Variants in RCL1 observed in about 807,000 individuals in gnomAD.
RCL1 encodes RNA terminal phosphate cyclase like 1, also known as RNA 3'-terminal phosphate cyclase-like protein.
A neutral mutation model predicts 42.4 loss-of-function variants in RCL1; 24 were observed. The observed-to-expected ratio is 0.57, with a 90% confidence interval of 0.41 to 0.80. RCL1 has a LOEUF of 0.80. RCL1 is among the 30% of genes least tolerant of loss of function. The probability of loss-of-function intolerance (pLI) is 0.00; values close to 1 mark genes in which losing one functional copy is unlikely to be tolerated. For missense variants in RCL1, 578 were observed against 467.9 expected (o/e 1.24, Z -2.17); for synonymous variants, 228 against 177.3 (o/e 1.29, Z -2.27).
chr9:4,833,057 A>G, intron 3 of RCL1, 97 bp from the exon 4 acceptor site: 2 of 795,860 alleles, frequency 2.5e-6, no homozygotes, highest in African/African-American at 1.7e-5. Flanking sequence ...ACCACACTGC[A>G]TCATCTACCT....
At position 4,827,053 on chromosome 9, in the gene RCL1, C is replaced by T. The variant is rs200668905; in HGVS notation, c.384+20C>T. 5.2e-4 allele frequency: 836 copies of T among 1,614,034 alleles called. 2 individuals carry two copies. The highest frequency in any genetic ancestry group is 6.5e-4 in the Non-Finnish European group (763 of 1,179,968). On this transcript the variant is annotated intron_variant, in intron 3 of 8. Coordinates refer to ENST00000381750, the MANE Select transcript of RCL1 (RefSeq NM_005772.5). ...CCTTCAGTGAGTATTGAGAACAAACCGTGGTGTGGTTTTTGTTTTGTCTCT... is the reference window on the plus strand; with the variant it reads ...CCTTCAGTGAGTATTGAGAACAAACTGTGGTGTGGTTTTTGTTTTGTCTCT...
Position 4,834,132 on chromosome 9 carries a change from T to A in RCL1, c.460-9T>A. On this transcript the variant is annotated splice_polypyrimidine_tract_variant and intron_variant, in intron 4 of 8. Coordinates refer to ENST00000381750, the MANE Select transcript of RCL1 (RefSeq NM_005772.5). ...CATCCTCGCCTCATCTTTCTCACTC[T>A]CTGTGTAGATTGTGCGACGGGGAAT... 1 of 1,611,736 alleles carries A rather than the reference T, an allele frequency of 6.2e-7. No individual in the cohort carries two copies.
chr9:4,845,383 G>C (rs1010370905), intron 7 of RCL1, among the ~76,000 whole-genome samples: 11 of 152,190 alleles, frequency 7.2e-5, no homozygotes, highest in Non-Finnish European at 1.5e-5. Flanking sequence ...ACACAGCTGA[G>C]ACCAATTTGC....
intron 7 of RCL1, among the ~76,000 whole-genome samples, chr9:4,849,238 C>T (rs530550977): frequency 6.6e-6 from 1 of 150,720 alleles, no homozygotes; most frequent in Non-Finnish European, 1.5e-5. Context: ...ATAGTCTCAA[C>T]TATTACAGTT....
chr9:4,817,889 C>T (rs1345364121), intron 1 of RCL1, among the ~76,000 whole-genome samples: 1 of 131,462 alleles, frequency 7.6e-6, no homozygotes, highest in African/African-American at 2.8e-5. Flanking sequence ...ACTCTCAGTT[C>T]ATTTTGCTCT....
chr9:4,806,046 TTGTG>T (rs1057311928), intron 1 of RCL1, among the ~76,000 whole-genome samples: 1 of 71,270 alleles, frequency 1.4e-5, no homozygotes, highest in African/African-American at 4.4e-5. Flanking sequence ...GTGTGTGTGT[TTGTG>T]TGTGTGTGTG....
intron 1 of RCL1, among the ~76,000 whole-genome samples, chr9:4,807,240 A>G (rs1265330854): frequency 1.3e-5 from 2 of 151,964 alleles, no homozygotes; most frequent in Non-Finnish European, 2.9e-5. Flanking sequence ...TGATTTTTCT[A>G]TCTTGCTTTT....
chr9:4,813,292 C>T (rs1816245698), intron 1 of RCL1, among the ~76,000 whole-genome samples: 1 of 152,132 alleles, frequency 6.6e-6, no homozygotes, highest in African/African-American at 2.4e-5. Flanking sequence ...ACCCATCTGA[C>T]AAAGGGCTAA....
intron 1 of RCL1, among the ~76,000 whole-genome samples, chr9:4,794,640 C>T (rs200424634): frequency 6.8e-6 from 1 of 147,618 alleles, no homozygotes; most frequent in African/African-American, 2.5e-5. Context: ...GTAGGCATAA[C>T]TTTTTTTTTT....
In RCL1 at chr9:4,860,284, A is replaced by C; in HGVS notation, c.*9A>C. 6.2e-7 allele frequency: 1 copy of C among 1,612,030 alleles called. No individual in the cohort carries two copies. Among genetic ancestry groups the C allele is most frequent in the Non-Finnish European group, 8.5e-7 (1 of 1,179,302 alleles). ...GCAAGACCCTCAAGTGATAACCATC[A>C]CAAGATAAGGCCCCAATGCCTACAG... On this transcript the variant is annotated 3_prime_UTR_variant, in exon 9 of 9. Coordinates refer to ENST00000381750, the MANE Select transcript of RCL1 (RefSeq NM_005772.5).
chr9:4,859,875 C>T lies in RCL1; in HGVS notation c.972-250C>T, dbSNP rs1257995583. ...AACTAAATAACTTATGTGTCACGTA[C>T]GAACTTCTAACCTTTCCCCCCCCAG... is the stretch of plus-strand genomic sequence containing the variant. On this transcript the variant is annotated intron_variant, in intron 8 of 8. Coordinates refer to ENST00000381750, the MANE Select transcript of RCL1 (RefSeq NM_005772.5). Among the ~76,000 whole-genome samples, 7 of 152,258 alleles carry T rather than the reference C, an allele frequency of 4.6e-5. 1 individual carries two copies. Among genetic ancestry groups the T allele is most frequent in the South Asian group, 2.1e-4 (1 of 4,826 alleles).
At chr9:4,827,375 A>AG (rs1816798140) in intron 3 of RCL1, 1 of 896,666 alleles carries the variant, frequency 1.1e-6, no homozygotes, top group African/African-American at 1.7e-5. Flanking sequence ...GTGGTAGCTG[A>AG]GGCTGGAGGG....
chr9:4,833,289 T>C lies in RCL1; in HGVS notation c.459+61T>C, dbSNP rs1413110281. The C allele has an allele frequency of 6.5e-6, 8 of 1,236,964 alleles. No homozygotes were observed. In the East Asian group the frequency reaches 9.3e-5, roughly 14 times the overall value. The allele number at this position is 1,236,964 out of a possible 1,614,324, so 76.6% of individuals were successfully genotyped here. Reference sequence around the variant, plus strand: ...TGGAAAACATTTTCCCACTGACTCATTGGAAGAGCTGTGTGACTCAGTGTA... The same window carrying C: ...TGGAAAACATTTTCCCACTGACTCACTGGAAGAGCTGTGTGACTCAGTGTA... On this transcript the variant is annotated intron_variant, in intron 4 of 8. Transcript: ENST00000381750.
chr9:4,815,749 C>G (rs942758656), intron 1 of RCL1, among the ~76,000 whole-genome samples: 3 of 152,064 alleles, frequency 2.0e-5, no homozygotes, highest in Non-Finnish European at 2.9e-5. Context: ...GGTGTTGACT[C>G]CTTCTCTGTG....
intron 1 of RCL1, among the ~76,000 whole-genome samples, chr9:4,798,547 A>G (rs773084277): frequency 1.8e-4 from 28 of 152,252 alleles, no homozygotes; most frequent in Non-Finnish European, 3.7e-4. Context: ...TTTAATCAAA[A>G]GGGTCCTTTA....
chr9:4,844,760 G>T (rs780365295), intron 7 of RCL1, 79 bp downstream of exon 7: 5 of 1,463,118 alleles, frequency 3.4e-6, no homozygotes, highest in Non-Finnish European at 3.7e-6. Flanking sequence ...GGCAGCTTTC[G>T]TCCTCTTCCA....
At chr9:4,849,195 T>C (rs548974320) in intron 7 of RCL1, among the ~76,000 whole-genome samples, 1 of 151,844 alleles carries the variant, frequency 6.6e-6, no homozygotes, top group East Asian at 1.9e-4. Context: ...CTAGATTCAC[T>C]TAAGAAGATT....
At chr9:4,830,061 A>T (rs965335217) in intron 3 of RCL1, among the ~76,000 whole-genome samples, 1 of 152,184 alleles carries the variant, frequency 6.6e-6, no homozygotes, top group African/African-American at 2.4e-5. Flanking sequence ...GACTGTGGAG[A>T]TAGAAGTATT....
rs12344938 is a variant in RCL1 at position 4,827,217 on chromosome 9, A to G, written c.384+184A>G. 8,447 of 1,525,976 alleles carry G rather than the reference A, an allele frequency of 5.5e-3. 332 individuals are homozygous for G. The African/African-American group carries it at 0.088, about 16-fold the overall frequency. 94.5% of individuals were successfully genotyped at this position (1,525,976 alleles called of 1,614,324 possible). A position where few individuals can be genotyped will look rare whatever the true frequency, so the allele number is the denominator to read the frequency against. ...AGATGAACCAAAACTTAGGATCATC[A>G]AATTCAGGACTATTGTTAACAGTTA... On this transcript the variant is annotated intron_variant, in intron 3 of 8. Transcript: ENST00000381750.
Sources: gnomAD v4.1 joint callset for allele counts (sites outside exome capture counted in the v4.1 genomes callset) on GRCh38, gnomAD v4.1.1 for gene constraint, MANE v1.5 for transcripts, NCBI Gene and HGNC (gene_info 2026-07-23, HGNC 2026-07-21) for gene names.